Variants in PLCH1 observed in about 807,000 individuals in gnomAD.
The protein encoded by PLCH1 is 1-phosphatidylinositol 4,5-bisphosphate phosphodiesterase eta-1.
Under a neutral mutation model 126.7 loss-of-function variants are expected in PLCH1, and 60 were observed. The ratio of observed to expected loss-of-function variants is 0.47; its 90% confidence interval spans 0.38 to 0.59. The LOEUF (loss-of-function observed/expected upper bound fraction) is 0.59. Ranked by LOEUF, PLCH1 falls within the 20% of genes least tolerant of loss-of-function variation. The probability of loss-of-function intolerance (pLI) is 0.00; values close to 1 mark genes in which losing one functional copy is unlikely to be tolerated. For synonymous variants in PLCH1, 719 were observed against 734.9 expected (o/e 0.98, Z 0.35); for missense variants, 1,723 against 2,040.0 (o/e 0.84, Z 2.99).
downstream of PLCH1, among the ~76,000 whole-genome samples, chr3:155,476,560 A>G (rs1239982296): frequency 6.6e-6 from 1 of 152,152 alleles, no homozygotes; most frequent in Non-Finnish European, 1.5e-5. Context: ...AGACTCCACA[A>G]GAAAATTAGT....
At chr3:155,676,709 G>GT (rs971029923) in intron 2 of PLCH1, among the ~76,000 whole-genome samples, 6 of 152,074 alleles carry the variant, frequency 3.9e-5, no homozygotes, top group African/African-American at 7.2e-5. Context: ...GGTTTTCCTT[G>GT]TTTTTTTGTC....
chr3:155,713,087 C>T (rs1245686307), intron 1 of PLCH1, among the ~76,000 whole-genome samples: 1 of 151,988 alleles, frequency 6.6e-6, no homozygotes, highest in African/African-American at 2.4e-5. Context: ...CCCACATCTC[C>T]TGACTCCAAA....
intron 15 of PLCH1, among the ~76,000 whole-genome samples, chr3:155,495,202 C>A (rs1418588846): frequency 6.6e-6 from 1 of 151,974 alleles, no homozygotes; most frequent in African/African-American, 2.4e-5. Context: ...AACTATGGAA[C>A]AAAGTAAAGG....
Position 155,593,803 on chromosome 3 carries a change from A to G in PLCH1, c.470+138T>C, listed in dbSNP as rs1732517936. On this transcript the variant is annotated intron_variant, in intron 4 of 22. Coordinates refer to ENST00000460012, the MANE Select transcript of PLCH1 (RefSeq NM_014996.4). ...TTGGAGTGAGAGTCAGGAGGGGAGA[A>G]GACGGTGTGAGGGGTAAAGAAAGAG... 5.3e-6 allele frequency: 4 copies of G among 758,612 alleles called. No individual in the cohort carries two copies. In the East Asian group the frequency reaches 1.1e-4, roughly 21 times the overall value. 47.0% of individuals were successfully genotyped at this position (758,612 alleles called of 1,614,324 possible). A position where few individuals can be genotyped will look rare whatever the true frequency, so the allele number is the denominator to read the frequency against.
At chr3:155,471,027 A>C in intron 21 of PLCH1, among the ~76,000 whole-genome samples, 1 of 150,238 alleles carries the variant, frequency 6.7e-6, no homozygotes, top group Non-Finnish European at 1.5e-5. Flanking sequence ...ACTAACGAGC[A>C]AAATAACCAG....
chr3:155,688,764 C>A (rs998876199), intron 2 of PLCH1, among the ~76,000 whole-genome samples: 1 of 152,216 alleles, frequency 6.6e-6, no homozygotes, highest in Non-Finnish European at 1.5e-5. Flanking sequence ...GCAGAAAGCC[C>A]CCATGGACCA....
At chr3:155,719,378 A>T (rs533846115) in intron 1 of PLCH1, among the ~76,000 whole-genome samples, 8 of 151,476 alleles carry the variant, frequency 5.3e-5, no homozygotes, top group Middle Eastern at 3.4e-3. Flanking sequence ...GGGTTGGGGG[A>T]GGGGGAAGGG....
chr3:155,647,338 G>C (rs1740173510), intron 2 of PLCH1, among the ~76,000 whole-genome samples: 1 of 151,798 alleles, frequency 6.6e-6, no homozygotes, highest in Non-Finnish European at 1.5e-5. Flanking sequence ...AATATTCCCA[G>C]GATGAAAGAC....
intron 1 of PLCH1, among the ~76,000 whole-genome samples, chr3:155,715,694 C>T (rs1747450891): frequency 6.6e-6 from 1 of 150,594 alleles, no homozygotes; most frequent in African/African-American, 2.5e-5. Flanking sequence ...CTCACTGCAG[C>T]CTCAACCTCC....
chr3:155,544,228 G>A (rs1005440227), intron 10 of PLCH1, among the ~76,000 whole-genome samples: 6 of 152,130 alleles, frequency 3.9e-5, no homozygotes, highest in African/African-American at 1.2e-4. Context: ...AAAGGCAGAG[G>A]TTGCAATCCT....
chr3:155,585,239 T>C (rs1355441829), intron 5 of PLCH1, among the ~76,000 whole-genome samples: 2 of 152,172 alleles, frequency 1.3e-5, no homozygotes, highest in Non-Finnish European at 2.9e-5. Flanking sequence ...ATACCCCATG[T>C]TGTCTCTGCT....
At chr3:155,472,132 T>A (rs950969183) in intron 21 of PLCH1, among the ~76,000 whole-genome samples, 2 of 151,890 alleles carry the variant, frequency 1.3e-5, no homozygotes, top group African/African-American at 4.8e-5. Context: ...AATTAATGAA[T>A]CCAGGAGCTG....
rs11426252 is a variant in PLCH1 at position 155,592,327 on chromosome 3, C to CAA, written c.470+1612_470+1613dup. The stretch of plus-strand genomic sequence containing the variant: ...GTGAAATGCTGCTCTACTAAAAATA[C>CAA]AAAAAAAAAAAAAAAAAATTAGCGG... On this transcript the variant is annotated intron_variant, in intron 4 of 22. Coordinates refer to ENST00000460012, the MANE Select transcript of PLCH1 (RefSeq NM_014996.4). Among the ~76,000 whole-genome samples, 1,114 of 122,766 alleles carry CAA rather than the reference C, an allele frequency of 9.1e-3. 13 individuals are homozygous for CAA. Among genetic ancestry groups the CAA allele is most frequent in the Non-Finnish European group, 0.013 (778 of 60,190 alleles). 80.5% of individuals were successfully genotyped at this position (122,766 alleles called of 152,430 possible). A position where few individuals can be genotyped will look rare whatever the true frequency, so the allele number is the denominator to read the frequency against.
chr3:155,728,432 G>A (rs190260370), intron 1 of PLCH1, among the ~76,000 whole-genome samples: 413 of 152,226 alleles, frequency 2.7e-3, no homozygotes, highest in African/African-American at 9.5e-3. Flanking sequence ...ACTATCCAAA[G>A]GGCTAGGTAT....
At chr3:155,486,247 G>A in intron 21 of PLCH1, 2 of 1,305,164 alleles carry the variant, frequency 1.5e-6, no homozygotes, top group Non-Finnish European at 2.1e-6. Context: ...ACACAATTGG[G>A]GCTCATTGAA....
chr3:155,661,138 A>G (rs1742087989), intron 2 of PLCH1, among the ~76,000 whole-genome samples: 3 of 152,216 alleles, frequency 2.0e-5, no homozygotes, highest in Admixed American at 1.3e-4. Flanking sequence ...CATATACCAT[A>G]TAAGAGGCAA....
In PLCH1 at chr3:155,618,711, A is replaced by G. The variant is rs955891152; in HGVS notation, c.80-22333T>C. On this transcript the variant is annotated intron_variant, in intron 2 of 22. Transcript: ENST00000460012. Reference sequence around the variant, plus strand: ...GCCCAGGCTAGAGGGCAGTGGCACCATAGGGCTCACTGCAGCCTTGACCTC... The same window carrying G: ...GCCCAGGCTAGAGGGCAGTGGCACCGTAGGGCTCACTGCAGCCTTGACCTC... Among the ~76,000 whole-genome samples, 6 of 152,142 alleles carry G rather than the reference A, an allele frequency of 3.9e-5. No individual in the cohort carries two copies. The East Asian group carries it at 9.6e-4, about 24-fold the overall frequency.
At chr3:155,625,021 C>CA (rs1737054610) in intron 2 of PLCH1, among the ~76,000 whole-genome samples, 1 of 152,186 alleles carries the variant, frequency 6.6e-6, no homozygotes, top group Non-Finnish European at 1.5e-5. Context: ...ACCAAAACAA[C>CA]ATGGTACTGG....
intron 2 of PLCH1, among the ~76,000 whole-genome samples, chr3:155,636,578 T>G (rs1211294819): frequency 6.6e-6 from 1 of 151,700 alleles, no homozygotes; most frequent in Admixed American, 6.6e-5. Context: ...GAAACCCCGT[T>G]TCTACTAAAA....
Sources: gnomAD v4.1 joint callset for allele counts (sites outside exome capture counted in the v4.1 genomes callset) on GRCh38, gnomAD v4.1.1 for gene constraint, MANE v1.5 for transcripts, NCBI Gene and HGNC (gene_info 2026-07-23, HGNC 2026-07-21) for gene names.